Variants in CDR2 observed in about 807,000 individuals in gnomAD.
CDR2 encodes the protein cerebellar degeneration related protein 2.
CDR2 carries 34 observed loss-of-function variants against 48.4 expected under a neutral mutation model. That is an observed-to-expected ratio of 0.70 (90% CI 0.53 to 0.94). The LOEUF is 0.94. Ranked by LOEUF, CDR2 falls within the 40% of genes least tolerant of loss-of-function variation. The probability of loss-of-function intolerance (pLI) is 0.00; values close to 1 mark genes in which losing one functional copy is unlikely to be tolerated. For missense variants in CDR2, 498 were observed against 549.5 expected (o/e 0.91, Z 0.94); for synonymous variants, 240 against 219.7 (o/e 1.09, Z -0.82).
chr16:22,354,943 T>A (rs1485932353), intron 2 of CDR2, among the ~76,000 whole-genome samples: 1 of 152,078 alleles, frequency 6.6e-6, no homozygotes, highest in African/African-American at 2.4e-5. Flanking sequence ...CTCAAACATA[T>A]ATACATGCAG....
chr16:22,360,947 GC>G (rs1896215734), intron 2 of CDR2, among the ~76,000 whole-genome samples: 1 of 151,596 alleles, frequency 6.6e-6, no homozygotes, highest in African/African-American at 2.4e-5. Flanking sequence ...ACAGGGTTTC[GC>G]CATGTTGGCC....
chr16:22,353,488 C>T (rs536657018), intron 2 of CDR2, among the ~76,000 whole-genome samples: 5 of 152,302 alleles, frequency 3.3e-5, no homozygotes, highest in East Asian at 1.9e-4. Context: ...AGAGACTGGA[C>T]TATGTCACCC....
At chr16:22,362,061 C>T (rs973775507) in intron 2 of CDR2, among the ~76,000 whole-genome samples, 3 of 151,964 alleles carry the variant, frequency 2.0e-5, no homozygotes, top group Non-Finnish European at 4.4e-5. Flanking sequence ...GCCACCACGC[C>T]CGGCTAATTT....
chr16:22,371,122 A>C (rs560961922), intron 1 of CDR2, among the ~76,000 whole-genome samples: 1 of 152,272 alleles, frequency 6.6e-6, no homozygotes, highest in East Asian at 1.9e-4. Context: ...GAGGCAGGAA[A>C]ATGGCTTGAA....
intron 2 of CDR2, among the ~76,000 whole-genome samples, chr16:22,356,954 A>T (rs1274511011): frequency 9.2e-6 from 1 of 108,440 alleles, no homozygotes; most frequent in Admixed American, 1.0e-4. Flanking sequence ...AAAAAAAAAG[A>T]AAAAAAAAAA....
chr16:22,351,463 A>T (rs1278429311), intron 2 of CDR2, among the ~76,000 whole-genome samples: 1 of 152,216 alleles, frequency 6.6e-6, no homozygotes, highest in African/African-American at 2.4e-5. Flanking sequence ...TGGTTGAACT[A>T]ATTTACACTC....
chr16:22,358,134 G>C (rs747000095), intron 2 of CDR2, among the ~76,000 whole-genome samples: 3 of 152,174 alleles, frequency 2.0e-5, no homozygotes, highest in South Asian at 4.1e-4. Flanking sequence ...TATGGAGTCA[G>C]TGCTTCATTT....
intron 1 of CDR2, among the ~76,000 whole-genome samples, chr16:22,372,339 A>G (rs1428660441): frequency 6.6e-6 from 1 of 152,200 alleles, no homozygotes; most frequent in Non-Finnish European, 1.5e-5. Flanking sequence ...TGCAGCGTGG[A>G]CTAAGGCACC....
chr16:22,368,907 G>A (rs2049059387), intron 1 of CDR2: 1 of 152,074 alleles, frequency 6.6e-6, no homozygotes, highest in Admixed American at 6.6e-5. Context: ...TTAATACCCT[G>A]TTTTCACCAA....
intron 1 of CDR2, among the ~76,000 whole-genome samples, chr16:22,373,451 G>C (rs891667994): frequency 1.3e-5 from 2 of 152,226 alleles, no homozygotes; most frequent in Admixed American, 6.5e-5. Flanking sequence ...GGTTTGAGCA[G>C]TGACTACAAC....
chr16:22,374,460 G>C lies in CDR2; in HGVS notation c.-151C>G, dbSNP rs1184758741. The C allele has an allele frequency of 3.3e-6, 1 of 300,822 alleles. No individual in the cohort carries two copies. The highest frequency in any genetic ancestry group is 6.3e-5 in the East Asian group (1 of 15,968). 18.6% of individuals were successfully genotyped at this position (300,822 alleles called of 1,614,324 possible). ...GACTCCGCTGCGCCGCCTCAGCCCC[G>C]TTCCCGCCGGCGGCCGCCGACCGGC... On this transcript the variant is annotated 5_prime_UTR_variant, in exon 1 of 5. Transcript: ENST00000268383.
intron 1 of CDR2, among the ~76,000 whole-genome samples, chr16:22,369,499 G>A (rs1598297137): frequency 6.6e-6 from 1 of 152,120 alleles, no homozygotes; most frequent in Non-Finnish European, 1.5e-5. Context: ...TTTGAGACTT[G>A]TCCTTATCTC....
chr16:22,354,835 A>T (rs535855869), intron 2 of CDR2, among the ~76,000 whole-genome samples: 1 of 152,332 alleles, frequency 6.6e-6, no homozygotes, highest in South Asian at 2.1e-4. Context: ...CAAAGGTTGC[A>T]GTGAGATAAG....
rs142066487 is a variant in CDR2 at position 22,346,826 on chromosome 16, GTATGCATTTGCTAAA to G, written c.*124_*138del. On this transcript the variant is annotated 3_prime_UTR_variant, in exon 5 of 5. Coordinates refer to ENST00000268383, the MANE Select transcript of CDR2 (RefSeq NM_001802.2). ...CCACTAGCCACCTCCTTTCCTCGTT[GTATGCATTTGCTAAA>G]TAAGCAAAGCAATGAGGCAAACGTC... 5.2e-4 allele frequency: 467 copies of G among 899,910 alleles called. No homozygotes were observed. The highest frequency in any genetic ancestry group is 1.1e-3 in the Middle Eastern group (3 of 2,838). The allele number at this position is 899,910 out of a possible 1,614,324, so 55.7% of individuals were successfully genotyped here.
rs1413204685 is a variant in CDR2 at position 22,347,697 on chromosome 16, C to T, written c.633G>A (p.Leu211=). The change falls in exon 5 of 5, where the codon CTG becomes CTA. Residue 211 remains leucine, a synonymous_variant. Transcript: ENST00000268383. ...TVTMLQAQLS[L]ERQKRVTMEE... ...CCATAGTCACCCGCTTCTGCCGCTC[C>T]AGGCTCAGCTGGGCCTGCAACATTG... 1 of 1,614,026 alleles carries T rather than the reference C, an allele frequency of 6.2e-7. No individual in the cohort carries two copies. The highest frequency in any genetic ancestry group is 8.5e-7 in the Non-Finnish European group (1 of 1,180,044).
At chr16:22,371,653 AC>A (rs2049077480) in intron 1 of CDR2, among the ~76,000 whole-genome samples, 1 of 152,202 alleles carries the variant, frequency 6.6e-6, no homozygotes, top group Non-Finnish European at 1.5e-5. Context: ...GGGAAAGGAT[AC>A]CCTTTTATTC....
chr16:22,358,707 A>C (rs189327789), intron 2 of CDR2, among the ~76,000 whole-genome samples: 68 of 152,282 alleles, frequency 4.5e-4, no homozygotes, highest in Middle Eastern at 3.4e-3. Context: ...ATAATAAAGA[A>C]ATATTTCCTA....
chr16:22,368,548 T>G (rs1238010432), intron 1 of CDR2, among the ~76,000 whole-genome samples: 2 of 152,200 alleles, frequency 1.3e-5, no homozygotes, highest in Admixed American at 1.3e-4. Flanking sequence ...CTTTATATCT[T>G]TAAAGGTATT....
At chr16:22,357,857 A>G (rs2048985591) in intron 2 of CDR2, among the ~76,000 whole-genome samples, 1 of 152,250 alleles carries the variant, frequency 6.6e-6, no homozygotes, top group Admixed American at 6.5e-5. Flanking sequence ...TGATAACAAC[A>G]TAATGAAACC....
Sources: allele counts gnomAD v4.1 joint callset (sites outside exome capture counted in the v4.1 genomes callset), GRCh38; gene constraint gnomAD v4.1.1; transcripts MANE v1.5; gene names NCBI Gene and HGNC (gene_info 2026-07-23, HGNC 2026-07-21).